The following IL12RB2 variants were observed in gnomAD, a reference collection of about 807,000 sequenced individuals.
IL12RB2 encodes the protein interleukin 12 receptor subunit beta 2, also known as interleukin-12 receptor subunit beta-2.
IL12RB2 carries 82 observed loss-of-function variants against 89.4 expected under a neutral mutation model. That is an observed-to-expected ratio of 0.92 (90% CI 0.77 to 1.10). The LOEUF (loss-of-function observed/expected upper bound fraction) is 1.10, where lower values mean the gene tolerates loss of function less well. IL12RB2 is among the 50% of genes least tolerant of loss of function. IL12RB2 has a pLI of 0.00. For synonymous variants in IL12RB2, 368 were observed against 370.1 expected (o/e 0.99, Z 0.07); for missense variants, 963 against 1,031.9 (o/e 0.93, Z 0.92).
At chr1:67,375,561 C>G (rs1663869627) in intron 13 of IL12RB2, among the ~76,000 whole-genome samples, 1 of 152,238 alleles carries the variant, frequency 6.6e-6, no homozygotes, top group Non-Finnish European at 1.5e-5. Flanking sequence ...GGGAGAAAGG[C>G]AAAGCAGGAA....
intron 9 of IL12RB2, among the ~76,000 whole-genome samples, chr1:67,350,321 G>A (rs1305778152): frequency 1.3e-5 from 2 of 152,270 alleles, no homozygotes; most frequent in African/African-American, 2.4e-5. Context: ...TATGAACAGT[G>A]TCTTAGTTTC....
Position 67,311,830 on chromosome 1 carries a change from T to C in IL12RB2, c.-124-2083T>C, listed in dbSNP as rs80203010. ...GCCTCCAATTATCTTAAGATAATTG[T>C]GAAATTCTTAGAAAATTCTCAAAAC... On this transcript the variant is annotated intron_variant, in intron 1 of 16. Transcript: ENST00000674203. Among the ~76,000 whole-genome samples the C allele has an allele frequency of 2.1e-3, 324 of 152,302 alleles. 2 individuals carry two copies. Among genetic ancestry groups the C allele is most frequent in the Admixed American group, 6.4e-3 (98 of 15,306 alleles).
At chr1:67,338,319 A>G (rs1300202668) in intron 8 of IL12RB2, among the ~76,000 whole-genome samples, 8 of 132,046 alleles carry the variant, frequency 6.1e-5, no homozygotes, top group Non-Finnish European at 1.1e-4. Flanking sequence ...CCGAGGCAAC[A>G]GAGCAAGATC....
At chr1:67,349,029 C>T (rs971285692) in intron 9 of IL12RB2, among the ~76,000 whole-genome samples, 32 of 152,102 alleles carry the variant, frequency 2.1e-4, no homozygotes, top group Admixed American at 1.2e-3. Context: ...CTTTATGATC[C>T]GTCAGAGCCA....
At chr1:67,364,245 G>C (rs1298528076) in intron 10 of IL12RB2, among the ~76,000 whole-genome samples, 2 of 152,142 alleles carry the variant, frequency 1.3e-5, no homozygotes, top group Non-Finnish European at 2.9e-5. Context: ...ACAAAAATTA[G>C]CCAGGTGTGG....
chr1:67,381,922 G>C (rs80137069), intron 14 of IL12RB2, among the ~76,000 whole-genome samples: 1 of 151,524 alleles, frequency 6.6e-6, no homozygotes, highest in East Asian at 1.9e-4. Flanking sequence ...GGAGGCAGAG[G>C]TTGCAGGGAG....
chr1:67,326,618 A>T, intron 4 of IL12RB2, 117 bp from the exon 5 acceptor site: 1 of 1,483,046 alleles, frequency 6.7e-7, no homozygotes, highest in Non-Finnish European at 9.1e-7. Flanking sequence ...AATAGCTTCT[A>T]GTTTACCTGG....
rs148480476 is a variant in IL12RB2, at chr1:67,334,681, G to A, written c.958+3871G>A. 2.5e-3 allele frequency among the ~76,000 whole-genome samples: 373 copies of A among 152,140 alleles called. 2 individuals carry two copies. The highest frequency in any genetic ancestry group is 8.7e-3 in the African/African-American group (359 of 41,480). ...TTTTTAGTAGAGACAGGGTTTCACC[G>A]TGTTAGCCAGGATGGTCTCGATCTC... On this transcript the variant is annotated intron_variant, in intron 8 of 16. Coordinates refer to ENST00000674203, the MANE Select transcript of IL12RB2 (RefSeq NM_001374259.2).
At position 67,395,606 on chromosome 1, in the gene IL12RB2, T is replaced by C; in HGVS notation, c.2106T>C (p.Pro702=). The change falls in exon 17 of 17, where the codon CCT becomes CCC. Residue 702 remains proline, a synonymous_variant. Transcript: ENST00000674203. ...TAGACTGGCCCACGCCTGAAGATCC[T>C]GAACCGCTGGTCATCAGTGAAGTCC... ...LLIDWPTPED[P]EPLVISEVLH... is the part of the protein sequence containing the mutation. The C allele has an allele frequency of 6.2e-7, 1 of 1,614,222 alleles. No individual in the cohort carries two copies. Among genetic ancestry groups the C allele is most frequent in the Non-Finnish European group, 8.5e-7 (1 of 1,180,034 alleles).
At chr1:67,345,274 CA>C (rs1357466395) in intron 9 of IL12RB2, among the ~76,000 whole-genome samples, 2 of 152,196 alleles carry the variant, frequency 1.3e-5, no homozygotes. Flanking sequence ...CAGCTACCCT[CA>C]AACCACAGAA....
At chr1:67,360,901 C>G (rs901917677) in intron 10 of IL12RB2, among the ~76,000 whole-genome samples, 3 of 152,112 alleles carry the variant, frequency 2.0e-5, no homozygotes, top group Non-Finnish European at 4.4e-5. Flanking sequence ...CAGAACCTAA[C>G]CAGCCTGGTG....
At chr1:67,315,937 T>C (rs986078069) in intron 2 of IL12RB2, among the ~76,000 whole-genome samples, 1 of 146,774 alleles carries the variant, frequency 6.8e-6, no homozygotes, top group Admixed American at 6.9e-5. Context: ...ATAGTCAATA[T>C]GTCAGAAGAG....
At chr1:67,354,469 A>G (rs1392517223) in intron 10 of IL12RB2, among the ~76,000 whole-genome samples, 3 of 152,208 alleles carry the variant, frequency 2.0e-5, no homozygotes, top group Non-Finnish European at 4.4e-5. Context: ...ACAGAGGACC[A>G]TTGATCATAG....
In IL12RB2 at chr1:67,392,358, T is replaced by C. The variant is rs1251778777; in HGVS notation, c.2046+2230T>C. On this transcript the variant is annotated intron_variant, in intron 16 of 16. Coordinates refer to ENST00000674203, the MANE Select transcript of IL12RB2 (RefSeq NM_001374259.2). The stretch of plus-strand genomic sequence containing the variant: ...TTAGGCAAAAACTAAAAAAATGACA[T>C]AGATCTATATGTGCCTAAAGATCTA... Among the ~76,000 whole-genome samples, 4 of 152,096 alleles carry C rather than the reference T, an allele frequency of 2.6e-5. No homozygotes were observed. In the East Asian group the frequency reaches 7.7e-4, roughly 29 times the overall value.
At chr1:67,338,161 T>C (rs1485644442) in intron 8 of IL12RB2, among the ~76,000 whole-genome samples, 4 of 151,302 alleles carry the variant, frequency 2.6e-5, no homozygotes, top group Admixed American at 1.3e-4. Flanking sequence ...AAAGCCTGTC[T>C]GTATAAAAAA....
In IL12RB2 at chr1:67,321,723, C is replaced by A. The variant is rs372100914; in HGVS notation, c.198C>A (p.Asn66Lys). 1 of 1,611,990 alleles carries A rather than the reference C, an allele frequency of 6.2e-7. No homozygotes were observed. The highest frequency in any genetic ancestry group is 8.5e-7 in the Non-Finnish European group (1 of 1,178,088). The stretch of plus-strand genomic sequence containing the variant: ...GCTGCTTTCACTATTCCAGACGTAA[C>A]AAGTTAATCCTGTACAAGTTTGACA... ...RQGCFHYSRR[N>K]KLILYKFDRR... is the part of the protein sequence containing the mutation. The change falls in exon 4 of 17, where the codon AAC becomes AAA. Residue 66 changes from asparagine (N) to lysine (K), a missense_variant. Asn to Lys is a moderately conservative substitution (Grantham distance 94). Coordinates refer to ENST00000674203, the MANE Select transcript of IL12RB2 (RefSeq NM_001374259.2).
At chr1:67,371,164 C>G (rs1663257872) in intron 11 of IL12RB2, among the ~76,000 whole-genome samples, 1 of 152,124 alleles carries the variant, frequency 6.6e-6, no homozygotes, top group African/African-American at 2.4e-5. Flanking sequence ...TCAATGCCAC[C>G]CATGAGGAAT....
intron 10 of IL12RB2, among the ~76,000 whole-genome samples, chr1:67,354,160 A>G (rs532605870): frequency 6.6e-6 from 1 of 152,268 alleles, no homozygotes; most frequent in East Asian, 1.9e-4. Flanking sequence ...CTAGGAACAG[A>G]GAAAAGCCAA....
chr1:67,361,922 A>G (rs1162214979), intron 10 of IL12RB2, among the ~76,000 whole-genome samples: 1 of 152,218 alleles, frequency 6.6e-6, no homozygotes, highest in Non-Finnish European at 1.5e-5. Flanking sequence ...AAGAAGCCAC[A>G]GGAAAAAGAA....
Sources: allele counts gnomAD v4.1 joint callset (sites outside exome capture counted in the v4.1 genomes callset), GRCh38; gene constraint gnomAD v4.1.1; transcripts MANE v1.5; gene names NCBI Gene and HGNC (gene_info 2026-07-23, HGNC 2026-07-21).